Variants in THAP4 observed in about 807,000 individuals in gnomAD.
THAP4 encodes the protein peroxynitrite isomerase THAP4.
In THAP4, 18 loss-of-function variants were observed where a neutral mutation model predicts 48.1. The observed-to-expected ratio is 0.37, with a 90% CI of 0.26 to 0.56. THAP4 has a LOEUF of 0.56. Ranked by LOEUF, THAP4 falls within the 20% of genes least tolerant of loss-of-function variation. The probability of loss-of-function intolerance (pLI) is 0.78; values close to 1 mark genes in which losing one functional copy is unlikely to be tolerated. For synonymous variants in THAP4, 345 were observed against 324.9 expected, an observed-to-expected ratio of 1.06 and a Z score of -0.66; for missense variants, 656 against 774.9, an observed-to-expected ratio of 0.85 and a Z score of 1.82.
chr2:241,636,699 G>A (rs951528317), intron 1 of THAP4, among the ~76,000 whole-genome samples: 1 of 152,026 alleles, frequency 6.6e-6, no homozygotes, highest in African/African-American at 2.4e-5. Flanking sequence ...CTAGGCGCCG[G>A]CCGGATCGAT....
chr2:241,590,782 G>C (rs1250516786), intron 5 of THAP4, among the ~76,000 whole-genome samples: 2 of 151,396 alleles, frequency 1.3e-5, no homozygotes, highest in Admixed American at 6.6e-5. Context: ...GGGGCACTAG[G>C]ACACTCAGAG....
rs539447525 is a variant in THAP4, at chr2:241,611,515, G to T, written c.1241-5042C>A. Among the ~76,000 whole-genome samples, 4 of 152,326 alleles carry T rather than the reference G, an allele frequency of 2.6e-5. No individual in the cohort carries two copies. The South Asian group carries it at 8.3e-4, about 32-fold the overall frequency. On this transcript the variant is annotated intron_variant, in intron 2 of 5. Coordinates refer to ENST00000407315, the MANE Select transcript of THAP4 (RefSeq NM_015963.6). ...AGGCGGGTGGATCATCTGAGGTCAGGAGTTCGAGACCAGCCTGGCCAACAT... is the reference window on the plus strand; with the variant it reads ...AGGCGGGTGGATCATCTGAGGTCAGTAGTTCGAGACCAGCCTGGCCAACAT...
Position 241,633,468 on chromosome 2 carries a change from T to G in THAP4, c.689A>C (p.Lys230Thr). The change falls in exon 2 of 6, where the codon AAA (lysine) becomes ACA (threonine). Residue 230 changes from lysine to threonine, a missense_variant. By Grantham distance (78) the Lys-to-Thr change is moderately conservative. Around this residue, in one of 4 missense-constraint regions of THAP4, gnomAD observed 391 missense variants for 412.4 expected, o/e 0.95. Transcript: ENST00000407315. The surrounding 1 kb of genome is among the most constrained non-coding windows in gnomAD (Gnocchi z 7.5). Reference sequence around the variant, plus strand: ...GTACGAATGAAGTGAGCCGATAAATTTGCACGCCCCAGATCCTGGGGGCGT... The same window carrying G: ...GTACGAATGAAGTGAGCCGATAAATGTGCACGCCCCAGATCCTGGGGGCGT... ...DFTPPGSGACKFIGSLHSYSF... is the reference protein window; with the variant it reads ...DFTPPGSGACTFIGSLHSYSF... 1.9e-6 allele frequency: 3 copies of G among 1,613,866 alleles called. No individual in the cohort carries two copies. Among genetic ancestry groups the G allele is most frequent in the Non-Finnish European group, 1.7e-6 (2 of 1,179,962 alleles).
rs1032614851 is a variant in THAP4, at chr2:241,612,694, T to C, written c.1241-6221A>G. 6.6e-6 allele frequency among the ~76,000 whole-genome samples: 1 copy of C among 152,264 alleles called. No homozygotes were observed. The highest frequency in any genetic ancestry group is 2.4e-5 in the African/African-American group (1 of 41,470). Reference sequence around the variant, plus strand: ...AGCACATATTCTGCAATTCCATTTCTGTGAAAGGTGCAGAACACACACATC... The same window carrying C: ...AGCACATATTCTGCAATTCCATTTCCGTGAAAGGTGCAGAACACACACATC... On this transcript the variant is annotated intron_variant, in intron 2 of 5. Coordinates refer to ENST00000407315, the MANE Select transcript of THAP4 (RefSeq NM_015963.6). The surrounding 1 kb of genome is among the most constrained non-coding windows in gnomAD (Gnocchi z 4.1).
intron 5 of THAP4, among the ~76,000 whole-genome samples, chr2:241,598,286 C>G (rs1447707149): frequency 6.6e-6 from 1 of 152,170 alleles, no homozygotes; most frequent in African/African-American, 2.4e-5. Flanking sequence ...CCGACCAACT[C>G]CCACGGGGCC....
In THAP4 at chr2:241,633,361, C is replaced by G; in HGVS notation, c.796G>C (p.Glu266Gln). 1 of 1,612,928 alleles carries G rather than the reference C, an allele frequency of 6.2e-7. No homozygotes were observed. Among genetic ancestry groups the G allele is most frequent in the Non-Finnish European group, 8.5e-7 (1 of 1,179,978 alleles). ...IDRKRLKKDVEPSCSGSSLGP... is the reference protein window; with the variant it reads ...IDRKRLKKDVQPSCSGSSLGP... ...AGGCTGCTCCCACTGCAGCTTGGTT[C>G]CACATCTTTCTTCAGCCTCTTGCGG... Residue 266 changes from glutamate to glutamine, a missense_variant, in exon 2 of 6, where the codon GAA becomes CAA. Physicochemically the swap from Glu to Gln is conservative, Grantham distance 29. Around this residue, in one of 4 missense-constraint regions of THAP4, gnomAD observed 391 missense variants for 412.4 expected, o/e 0.95. Transcript: ENST00000407315. This position sits in a 1 kb window ranked among gnomAD's most constrained non-coding sequence, Gnocchi z 7.5.
At chr2:241,636,646 T>C (rs1356749294) in intron 1 of THAP4, among the ~76,000 whole-genome samples, 1 of 151,064 alleles carries the variant, frequency 6.6e-6, no homozygotes, top group Non-Finnish European at 1.5e-5. Context: ...AGCAGGACAA[T>C]CGGCCCAGGA....
chr2:241,626,057 C>A (rs1264506366), intron 2 of THAP4, among the ~76,000 whole-genome samples: 1 of 151,944 alleles, frequency 6.6e-6, no homozygotes, highest in Non-Finnish European at 1.5e-5. Flanking sequence ...TTAATAGGTG[C>A]AAAAAAATCA....
rs372089541 is a variant in THAP4, at chr2:241,584,583, C to G, written c.*23G>C. On this transcript the variant is annotated 3_prime_UTR_variant, in exon 6 of 6. Coordinates refer to ENST00000407315, the MANE Select transcript of THAP4 (RefSeq NM_015963.6). ...TTGAGGCACAGTAGCCAGGCCCTCC[C>G]GAGGGCTCCAGAAGCTCTAGGTTTA... 1.9e-6 allele frequency: 3 copies of G among 1,613,786 alleles called. No individual in the cohort carries two copies. The highest frequency in any genetic ancestry group is 2.5e-6 in the Non-Finnish European group (3 of 1,179,850).
intron 5 of THAP4, chr2:241,594,490 C>G (rs2067024756): frequency 4.7e-6 from 1 of 210,834 alleles, no homozygotes; most frequent in South Asian, 6.9e-5. Flanking sequence ...CTTGGGAGGC[C>G]CAGGTGGGTA....
chr2:241,636,897 G>A, intron 1 of THAP4, 44 bp downstream of exon 1: 1 of 1,127,314 alleles, frequency 8.9e-7, no homozygotes. Flanking sequence ...TTTCCCCGCA[G>A]GGCCGGGTCG....
rs566341150 is a variant in THAP4 at position 241,616,330 on chromosome 2, G to A, written c.1241-9857C>T. On this transcript the variant is annotated intron_variant, in intron 2 of 5. Transcript: ENST00000407315. The surrounding 1 kb of genome is among the most constrained non-coding windows in gnomAD (Gnocchi z 4.6). ...GGAAGGCGACCCGTGACATCAGTGAGAAGGGCGGGTGCAGGCGCACGAGAG... is the reference window on the plus strand; with the variant it reads ...GGAAGGCGACCCGTGACATCAGTGAAAAGGGCGGGTGCAGGCGCACGAGAG... 6.6e-6 allele frequency among the ~76,000 whole-genome samples: 1 copy of A among 152,334 alleles called. No homozygotes were observed. The highest frequency in any genetic ancestry group is 2.4e-5 in the African/African-American group (1 of 41,584).
At position 241,612,159 on chromosome 2, in the gene THAP4, A is replaced by T. The variant is rs1286649214; in HGVS notation, c.1241-5686T>A. On this transcript the variant is annotated intron_variant, in intron 2 of 5. Transcript: ENST00000407315. The surrounding 1 kb of genome is among the most constrained non-coding windows in gnomAD (Gnocchi z 4.1). ...AGAAGTCGAGAAAGTAAAAGAAAAA[A>T]AATCAAGCCACCACCCAAATGAAGT... 1.3e-5 allele frequency among the ~76,000 whole-genome samples: 2 copies of T among 152,230 alleles called. No individual in the cohort carries two copies.
chr2:241,607,504 C>T (rs935764917), intron 2 of THAP4, among the ~76,000 whole-genome samples: 1 of 151,690 alleles, frequency 6.6e-6, no homozygotes, highest in East Asian at 1.9e-4. Flanking sequence ...ACCTGCTTCC[C>T]AGGCCTGCTT....
At chr2:241,595,154 A>C (rs1251397289) in intron 5 of THAP4, among the ~76,000 whole-genome samples, 2 of 152,026 alleles carry the variant, frequency 1.3e-5, no homozygotes, top group Non-Finnish European at 2.9e-5. Context: ...CTGGGATTAC[A>C]GGTGCCTGTC....
At chr2:241,611,148 G>T (rs1274741131) in intron 2 of THAP4, among the ~76,000 whole-genome samples, 2 of 152,226 alleles carry the variant, frequency 1.3e-5, no homozygotes, top group Admixed American at 1.3e-4. Flanking sequence ...GAGGACAGGA[G>T]GGGCCTCTGG....
At chr2:241,619,143 T>G (rs1054506689) in intron 2 of THAP4, among the ~76,000 whole-genome samples, 48 of 152,090 alleles carry the variant, frequency 3.2e-4, no homozygotes, top group African/African-American at 1.1e-3. Flanking sequence ...CATAACATCC[T>G]GGGTGGGAGT....
chr2:241,585,923 A>AC (rs1349866179), intron 5 of THAP4, among the ~76,000 whole-genome samples: 1 of 144,428 alleles, frequency 6.9e-6, no homozygotes, highest in East Asian at 2.0e-4. Flanking sequence ...AAAAAAAAAA[A>AC]AAAAAAGAAA....
In THAP4 at chr2:241,584,567, A is replaced by G. The variant is rs758228218; in HGVS notation, c.*39T>C. On this transcript the variant is annotated 3_prime_UTR_variant, in exon 6 of 6. Coordinates refer to ENST00000407315, the MANE Select transcript of THAP4 (RefSeq NM_015963.6). ...TTGAGGAGCCGAACCGTTGAGGCAC[A>G]GTAGCCAGGCCCTCCCGAGGGCTCC... The G allele has an allele frequency of 1.9e-6, 3 of 1,613,308 alleles. No homozygotes were observed. The highest frequency in any genetic ancestry group is 1.7e-6 in the Non-Finnish European group (2 of 1,179,372).
Sources: gnomAD v4.1 joint callset for allele counts (sites outside exome capture counted in the v4.1 genomes callset) on GRCh38, gnomAD v4.1.1 for gene constraint, gnomAD v4.1.1 regional missense constraint, Gnocchi (gnomAD v3.1) non-coding constraint, MANE v1.5 for transcripts, NCBI Gene and HGNC (gene_info 2026-07-23, HGNC 2026-07-21) for gene names.